Variants in CSMD1 observed in about 807,000 individuals in gnomAD.
CSMD1 encodes the protein CUB and Sushi multiple domains 1, also known as CUB and sushi domain-containing protein 1.
Under a neutral mutation model 417.5 loss-of-function variants are expected in CSMD1, and 213 were observed. The observed-to-expected ratio is 0.51, with a 90% CI of 0.46 to 0.57. The LOEUF is 0.57. Ranked by LOEUF, CSMD1 falls within the 20% of genes least tolerant of loss-of-function variation. The probability of loss-of-function intolerance (pLI) is 0.00; values close to 1 mark genes in which losing one functional copy is unlikely to be tolerated. For synonymous variants in CSMD1, 2,862 were observed against 1,736.8 expected, an observed-to-expected ratio of 1.65 and a Z score of -16.11; for missense variants, 6,923 against 4,529.7, an observed-to-expected ratio of 1.53 and a Z score of -15.17.
In CSMD1 at chr8:4,192,669, C is replaced by G. The variant is rs531567263; in HGVS notation, c.416-160570G>C. On this transcript the variant is annotated intron_variant, in intron 3 of 69. Transcript: ENST00000635120. ...GATCAGAGTGAGAAAAACCTTAAAT[C>G]TGCACTTAAATCTTAAATCTGTATT... Among the ~76,000 whole-genome samples, 7 of 152,196 alleles carry G rather than the reference C, an allele frequency of 4.6e-5. No individual in the cohort carries two copies. The South Asian group carries it at 1.4e-3, about 31-fold the overall frequency.
At chr8:3,796,480 C>CTATCATGTATATAGA (rs1563089812) in intron 5 of CSMD1, among the ~76,000 whole-genome samples, 1,964 of 131,466 alleles carry the variant, frequency 0.015, 156 homozygotes, top group African/African-American at 0.056. Flanking sequence ...ATATAGATAT[C>CTATCATGTATATAGA]TATCTATCAT....
chr8:4,757,352 C>T (rs1237279348), intron 1 of CSMD1, among the ~76,000 whole-genome samples: 3 of 152,160 alleles, frequency 2.0e-5, no homozygotes, highest in African/African-American at 7.2e-5. Flanking sequence ...GCTAGCTAGG[C>T]CCCAACTCAG....
chr8:3,203,620 A>T (rs879106609), intron 31 of CSMD1, among the ~76,000 whole-genome samples: 68 of 152,216 alleles, frequency 4.5e-4, no homozygotes, highest in Non-Finnish European at 7.3e-5. Context: ...GTGGATAAAA[A>T]ACAAACAGGG....
At chr8:4,053,730 T>A (rs913052398) in intron 3 of CSMD1, among the ~76,000 whole-genome samples, 3 of 152,126 alleles carry the variant, frequency 2.0e-5, no homozygotes, top group Non-Finnish European at 2.9e-5. Context: ...GCTCCAGAAC[T>A]GGCTTCTTGA....
chr8:4,774,290 T>C (rs1796737762), intron 1 of CSMD1, among the ~76,000 whole-genome samples: 1 of 152,200 alleles, frequency 6.6e-6, no homozygotes, highest in Admixed American at 6.5e-5. Context: ...GCAGTTTGAA[T>C]CTTACTTTCC....
At chr8:3,304,624 T>C (rs1344337107) in intron 25 of CSMD1, among the ~76,000 whole-genome samples, 1 of 152,196 alleles carries the variant, frequency 6.6e-6, no homozygotes, top group East Asian at 1.9e-4. Flanking sequence ...ATAAATTTGA[T>C]AGTGTGTACC....
chr8:3,666,996 A>G (rs1377066894), intron 7 of CSMD1, among the ~76,000 whole-genome samples: 1 of 152,166 alleles, frequency 6.6e-6, no homozygotes, highest in Non-Finnish European at 1.5e-5. Flanking sequence ...TAGCAGAAAG[A>G]TAACTATGGC....
At chr8:4,623,932 T>C (rs1355975840) in intron 2 of CSMD1, among the ~76,000 whole-genome samples, 1 of 152,106 alleles carries the variant, frequency 6.6e-6, no homozygotes, top group Non-Finnish European at 1.5e-5. Context: ...TGTTCCACGG[T>C]TGTATATAAA....
intron 1 of CSMD1, chr8:4,788,406 C>T (rs1374296071): frequency 2.9e-6 from 4 of 1,369,432 alleles, no homozygotes; most frequent in African/African-American, 1.4e-5. Flanking sequence ...GTGGTCTTCT[C>T]TTTGACTACC....
intron 3 of CSMD1, among the ~76,000 whole-genome samples, chr8:4,064,638 A>T (rs4554489): frequency 0.45 from 68,131 of 151,926 alleles, 16,068 homozygotes; most frequent in Non-Finnish European, 0.49. Flanking sequence ...CTTCACATAC[A>T]TGGTTTCTAT....
chr8:4,684,438 T>C (rs1313891013), intron 1 of CSMD1, among the ~76,000 whole-genome samples: 5 of 152,172 alleles, frequency 3.3e-5, no homozygotes, highest in African/African-American at 4.8e-5. Context: ...CTTTTTGAAA[T>C]GGATAATTTT....
At chr8:3,350,049 A>G (rs905933805) in intron 21 of CSMD1, among the ~76,000 whole-genome samples, 1 of 144,600 alleles carries the variant, frequency 6.9e-6, no homozygotes, top group Admixed American at 7.1e-5. Context: ...ACCTATAATA[A>G]CCTATAATAA....
chr8:3,858,980 CCTT>C lies in CSMD1; in HGVS notation c.819-104941_819-104939del, dbSNP rs1182444442. Among the ~76,000 whole-genome samples the C allele has an allele frequency of 3.3e-5, 5 of 152,272 alleles. No individual in the cohort carries two copies. The East Asian group carries it at 5.8e-4, about 18-fold the overall frequency. On this transcript the variant is annotated intron_variant, in intron 5 of 69. Transcript: ENST00000635120. ...GAATTAAAGTATAACGACATCAATC[CCTT>C]CTTCTACTCCACACCTTCATAGTGC...
chr8:3,023,318 A>G (rs1321716952), intron 51 of CSMD1, among the ~76,000 whole-genome samples: 1 of 152,220 alleles, frequency 6.6e-6, no homozygotes, highest in African/African-American at 2.4e-5. Context: ...TGTGTATAAA[A>G]TTAAAAATGC....
chr8:3,833,431 A>C (rs1802484045), intron 5 of CSMD1, among the ~76,000 whole-genome samples: 1 of 152,100 alleles, frequency 6.6e-6, no homozygotes, highest in Non-Finnish European at 1.5e-5. Flanking sequence ...CATATTTTAT[A>C]TCATAAATAT....
At chr8:4,791,078 G>C (rs905885307) in intron 1 of CSMD1, among the ~76,000 whole-genome samples, 2 of 152,078 alleles carry the variant, frequency 1.3e-5, no homozygotes, top group African/African-American at 2.4e-5. Context: ...CGGTGAGAGA[G>C]ACGGTGAGAG....
chr8:4,137,221 T>C (rs1034256982), intron 3 of CSMD1, among the ~76,000 whole-genome samples: 1 of 152,224 alleles, frequency 6.6e-6, no homozygotes, highest in African/African-American at 2.4e-5. Flanking sequence ...TTGCCTTTAA[T>C]TAATTCTCCA....
intron 5 of CSMD1, among the ~76,000 whole-genome samples, chr8:3,970,276 G>A (rs975143273): frequency 6.6e-6 from 1 of 152,192 alleles, no homozygotes; most frequent in Non-Finnish European, 1.5e-5. Context: ...TATGTCCGAA[G>A]CCTTTGAAAC....
At chr8:3,930,169 C>A (rs186342298) in intron 5 of CSMD1, among the ~76,000 whole-genome samples, 1 of 150,016 alleles carries the variant, frequency 6.7e-6, no homozygotes, top group Admixed American at 6.6e-5. Context: ...CCAGTGAGAA[C>A]ATCAGTTATA....
Sources: gnomAD v4.1 joint callset for allele counts (sites outside exome capture counted in the v4.1 genomes callset) on GRCh38, gnomAD v4.1.1 for gene constraint, MANE v1.5 for transcripts, NCBI Gene and HGNC (gene_info 2026-07-23, HGNC 2026-07-21) for gene names.